Variants in FAM20C observed in about 807,000 individuals in gnomAD.
FAM20C encodes extracellular serine/threonine protein kinase FAM20C.
FAM20C carries 40 observed loss-of-function variants against 51.5 expected under a neutral mutation model. The observed-to-expected ratio is 0.78, with a 90% CI of 0.60 to 1.01. FAM20C has a LOEUF of 1.01. Among genes scored for constraint, FAM20C ranks in the 50% least tolerant of loss-of-function variants. The pLI is 0.00. For synonymous variants in FAM20C, 406 were observed against 380.6 expected, an observed-to-expected ratio of 1.07 and a Z score of -0.78; for missense variants, 861 against 844.7, an observed-to-expected ratio of 1.02 and a Z score of -0.24.
At chr7:226,241 C>T (rs1237603695) in intron 3 of FAM20C, among the ~76,000 whole-genome samples, 1 of 152,168 alleles carries the variant, frequency 6.6e-6, no homozygotes, top group African/African-American at 2.4e-5. Context: ...TGTCCCACCA[C>T]AGAGGACGGA....
chr7:205,962 C>G (rs1188530604), intron 2 of FAM20C, among the ~76,000 whole-genome samples: 1 of 152,098 alleles, frequency 6.6e-6, no homozygotes, highest in Non-Finnish European at 1.5e-5. Flanking sequence ...TCCACCAAAC[C>G]TACAAACCCA....
chr7:223,003 G>A (rs1787307022), intron 3 of FAM20C, among the ~76,000 whole-genome samples: 1 of 151,692 alleles, frequency 6.6e-6, no homozygotes, highest in Non-Finnish European at 1.5e-5. Context: ...GCATGTGTGG[G>A]CATCTGTACG....
intron 3 of FAM20C, among the ~76,000 whole-genome samples, chr7:244,629 C>T (rs1166372990): frequency 6.6e-6 from 1 of 152,250 alleles, no homozygotes; most frequent in Non-Finnish European, 1.5e-5. Context: ...CCCCAACCCT[C>T]CTTTGCTGCT....
chr7:233,379 G>A (rs1043712060), intron 3 of FAM20C, among the ~76,000 whole-genome samples: 8 of 152,202 alleles, frequency 5.3e-5, no homozygotes, highest in Admixed American at 1.3e-4. Context: ...CTAAATCACC[G>A]TGTCCATCTG....
At chr7:226,317 G>A (rs1787443109) in intron 3 of FAM20C, among the ~76,000 whole-genome samples, 1 of 152,034 alleles carries the variant, frequency 6.6e-6, no homozygotes, top group African/African-American at 2.4e-5. Context: ...GCTAGGAGGG[G>A]CCCTGGAGGG....
intron 6 of FAM20C, chr7:256,424 C>T: frequency 1.7e-6 from 1 of 584,642 alleles, no homozygotes; most frequent in Non-Finnish European, 3.0e-6. Context: ...AAACACGGGG[C>T]CCAGAGGTGA....
At chr7:242,864 C>G (rs970402258) in intron 3 of FAM20C, among the ~76,000 whole-genome samples, 1 of 152,178 alleles carries the variant, frequency 6.6e-6, no homozygotes, top group African/African-American at 2.4e-5. Context: ...GGGGCAGGCT[C>G]AGAGGGACGT....
At chr7:236,376 C>T (rs1345610187) in intron 3 of FAM20C, among the ~76,000 whole-genome samples, 4 of 152,250 alleles carry the variant, frequency 2.6e-5, no homozygotes, top group African/African-American at 9.6e-5. Context: ...GTGTCCGTTG[C>T]AGCCCCTGTG....
chr7:259,986 G>A lies in FAM20C; in HGVS notation c.*6G>A, dbSNP rs963592791. On this transcript the variant is annotated 3_prime_UTR_variant, in exon 10 of 10. Transcript: ENST00000313766. ...GAGCCGCCTCGGCGAGGTAGTGTCC[G>A]CCGGCCGCTGCGCTGCCCGGGACGG... The A allele has an allele frequency of 3.8e-5, 57 of 1,503,960 alleles. No homozygotes were observed. The highest frequency in any genetic ancestry group is 4.2e-5 in the Non-Finnish European group (47 of 1,123,816). The allele number at this position is 1,503,960 out of a possible 1,614,324, so 93.2% of individuals were successfully genotyped here. A position where few individuals can be genotyped will look rare whatever the true frequency, so the allele number is the denominator to read the frequency against.
chr7:258,956 AC>A (rs1788757867), intron 9 of FAM20C, among the ~76,000 whole-genome samples: 1 of 152,076 alleles, frequency 6.6e-6, no homozygotes, highest in Admixed American at 6.5e-5. Context: ...CCGTCCTGCC[AC>A]CCCAGTTACA....
At chr7:212,188 C>A (rs1786752761) in intron 3 of FAM20C, among the ~76,000 whole-genome samples, 1 of 152,250 alleles carries the variant, frequency 6.6e-6, no homozygotes, top group South Asian at 2.1e-4. Context: ...AAAGGCCGGG[C>A]ACACTGGCTC....
At chr7:206,197 C>T (rs1334946455) in intron 2 of FAM20C, among the ~76,000 whole-genome samples, 1 of 152,190 alleles carries the variant, frequency 6.6e-6, no homozygotes, top group Non-Finnish European at 1.5e-5. Flanking sequence ...AGATACCTCT[C>T]AGATCCTCAG....
At chr7:233,167 A>T (rs1335279995) in intron 3 of FAM20C, among the ~76,000 whole-genome samples, 1 of 152,184 alleles carries the variant, frequency 6.6e-6, no homozygotes, top group Non-Finnish European at 1.5e-5. Flanking sequence ...CGCGAGAGCC[A>T]TGGGGGCTCC....
intron 9 of FAM20C, 96 bp from the exon 10 acceptor site, chr7:259,635 C>G (rs891187442): frequency 1.6e-6 from 2 of 1,238,140 alleles, no homozygotes; most frequent in African/African-American, 7.5e-5. Flanking sequence ...TGTCTCTCCC[C>G]CCACTCTCTC....
At chr7:229,974 G>C (rs1366941619) in intron 3 of FAM20C, among the ~76,000 whole-genome samples, 1 of 152,156 alleles carries the variant, frequency 6.6e-6, no homozygotes, top group African/African-American at 2.4e-5. Flanking sequence ...AGAGAAATGG[G>C]ATAGAAAGAT....
At chr7:246,345 C>T in intron 3 of FAM20C, 70 bp from the exon 4 acceptor site, 3 of 1,316,910 alleles carry the variant, frequency 2.3e-6, no homozygotes, top group Non-Finnish European at 3.2e-6. Context: ...CCCAGCACGT[C>T]CCGCCTGCCT....
At chr7:218,323 C>T (rs1308922011) in intron 3 of FAM20C, among the ~76,000 whole-genome samples, 4 of 152,228 alleles carry the variant, frequency 2.6e-5, no homozygotes, top group Non-Finnish European at 4.4e-5. Context: ...GGCCCCTTTC[C>T]GGTGCTCCCG....
intron 2 of FAM20C, among the ~76,000 whole-genome samples, chr7:204,688 C>T (rs1176455667): frequency 1.3e-4 from 20 of 152,032 alleles, no homozygotes; most frequent in African/African-American, 3.1e-4. Context: ...CCCACACTGC[C>T]GCTGTTCTCA....
Position 248,483 on chromosome 7 carries a change from G to T in FAM20C, c.1072+53G>T, listed in dbSNP as rs190152406. On this transcript the variant is annotated intron_variant, in intron 5 of 9. Coordinates refer to ENST00000313766, the MANE Select transcript of FAM20C (RefSeq NM_020223.4). ...TCTCTCCAGGTAGCCTGGCACGGGG[G>T]CCCGCATTCATCTCTCCAGGTAGCC... 1.2e-3 allele frequency: 1,662 copies of T among 1,389,708 alleles called. 16 individuals carry two copies. The East Asian group carries it at 0.017, about 14-fold the overall frequency. The allele number at this position is 1,389,708 out of a possible 1,614,324, so 86.1% of individuals were successfully genotyped here.
Sources: allele counts gnomAD v4.1 joint callset (sites outside exome capture counted in the v4.1 genomes callset), GRCh38; gene constraint gnomAD v4.1.1; transcripts MANE v1.5; gene names NCBI Gene and HGNC (gene_info 2026-07-23, HGNC 2026-07-21).